ACP7: variants seen among roughly 807,000 people sequenced by gnomAD.
ACP7 encodes acid phosphatase type 7.
ACP7 carries 58 observed loss-of-function variants against 60.6 expected under a neutral mutation model. The observed-to-expected ratio is 0.96, with a 90% CI of 0.77 to 1.19. The LOEUF (loss-of-function observed/expected upper bound fraction) is 1.19, where lower values mean the gene tolerates loss of function less well. ACP7 is among the 50% of genes most tolerant of loss of function. ACP7 has a pLI of 0.00. For missense variants in ACP7, 574 were observed against 596.2 expected (o/e 0.96, Z 0.39); for synonymous variants, 237 against 232.6 (o/e 1.02, Z -0.17).
intron 2 of ACP7, among the ~76,000 whole-genome samples, chr19:39,094,081 C>T (rs968521859): frequency 5.3e-5 from 8 of 152,172 alleles, no homozygotes; most frequent in African/African-American, 1.9e-4. Context: ...CATTACACTA[C>T]ACCACACGGT....
At chr19:39,090,130 G>T (rs993480384) in intron 2 of ACP7, among the ~76,000 whole-genome samples, 10 of 151,934 alleles carry the variant, frequency 6.6e-5, no homozygotes, top group Non-Finnish European at 1.3e-4. Context: ...ATTTTCTAAT[G>T]CCCTCCTTCT....
chr19:39,103,635 T>C (rs539662949), intron 11 of ACP7, among the ~76,000 whole-genome samples: 1 of 151,980 alleles, frequency 6.6e-6, no homozygotes, highest in Admixed American at 6.6e-5. Flanking sequence ...CAGACCAGTC[T>C]GGGCAACATG....
At chr19:39,089,299 C>T (rs562023091) in intron 2 of ACP7, among the ~76,000 whole-genome samples, 52 of 152,066 alleles carry the variant, frequency 3.4e-4, no homozygotes, top group Non-Finnish European at 6.2e-4. Context: ...AACTCCTGGC[C>T]TCAAGTGATC....
chr19:39,089,703 GCCGAGTA>G (rs1291042653), intron 2 of ACP7, among the ~76,000 whole-genome samples: 1 of 152,136 alleles, frequency 6.6e-6, no homozygotes, highest in Non-Finnish European at 1.5e-5. Flanking sequence ...TCTTGGTATT[GCCGAGTA>G]CCGATCAGCT....
chr19:39,100,029 C>T (rs1044022757), intron 4 of ACP7, among the ~76,000 whole-genome samples, 198 bp from the exon 5 acceptor site: 2 of 150,938 alleles, frequency 1.3e-5, no homozygotes, highest in East Asian at 3.9e-4. Flanking sequence ...CCCATCTTGG[C>T]CCGGCACAGT....
chr19:39,105,036 C>T (rs1463916070), intron 11 of ACP7, among the ~76,000 whole-genome samples: 1 of 151,754 alleles, frequency 6.6e-6, no homozygotes, highest in Non-Finnish European at 1.5e-5. Flanking sequence ...TATTTTGAGA[C>T]ACAGTTTCAC....
chr19:39,107,149 T>C, intron 12 of ACP7, 65 bp downstream of exon 12: 1 of 1,494,834 alleles, frequency 6.7e-7, no homozygotes. Flanking sequence ...AAATGAGCTG[T>C]TAAAAACGTG....
At chr19:39,098,723 A>C (rs1306578764) in intron 3 of ACP7, 65 bp downstream of exon 3, 3 of 1,503,456 alleles carry the variant, frequency 2.0e-6, no homozygotes, top group Non-Finnish European at 2.7e-6. Context: ...GCAGACTAGA[A>C]GCTACCACTG....
At chr19:39,099,284 A>G (rs965423317) in intron 4 of ACP7, 142 bp downstream of exon 4, 3 of 1,015,128 alleles carry the variant, frequency 3.0e-6, no homozygotes, top group Admixed American at 3.9e-5. Flanking sequence ...GTGTCTCTGA[A>G]GGGACAGGGG....
chr19:39,087,834 A>G (rs550811533), intron 2 of ACP7, among the ~76,000 whole-genome samples: 10 of 151,920 alleles, frequency 6.6e-5, no homozygotes, highest in African/African-American at 2.4e-4. Flanking sequence ...GGGTTTCACC[A>G]TGTTGGCCAG....
intron 11 of ACP7, among the ~76,000 whole-genome samples, chr19:39,102,118 TCTCACACA>T (rs1489000558): frequency 9.0e-5 from 12 of 133,000 alleles, no homozygotes; most frequent in South Asian, 4.9e-4. Flanking sequence ...AGACCCTTTC[TCTCACACA>T]CACACACACA....
Position 39,088,047 on chromosome 19 carries a change from G to A in ACP7, c.121+2657G>A, listed in dbSNP as rs549676816. On this transcript the variant is annotated intron_variant, in intron 2 of 12. Coordinates refer to ENST00000331256, the MANE Select transcript of ACP7 (RefSeq NM_001004318.3). ...TAGTTTCTTCTTTTTTTTTAGATAG[G>A]GTCTCACTCTGTCACCCACGCTGGA... Among the ~76,000 whole-genome samples the A allele has an allele frequency of 1.6e-3, 243 of 151,198 alleles. 1 individual carries two copies. Among genetic ancestry groups the A allele is most frequent in the Non-Finnish European group, 4.4e-5 (3 of 67,840 alleles).
chr19:39,102,715 TTTTCTTTCTTTC>T (rs199915190), intron 11 of ACP7, among the ~76,000 whole-genome samples: 15 of 118,616 alleles, frequency 1.3e-4, no homozygotes, highest in Non-Finnish European at 1.1e-4. Flanking sequence ...CAATGAAGAC[TTTTCTTTCTTTC>T]TTTCTTTCTT....
At chr19:39,108,763 A>G (rs969821923) in intron 12 of ACP7, among the ~76,000 whole-genome samples, 3 of 152,152 alleles carry the variant, frequency 2.0e-5, no homozygotes, top group Admixed American at 6.6e-5. Context: ...TTTATGATTT[A>G]TTGAGCACCT....
chr19:39,096,817 GAGAC>G (rs1441747885), intron 2 of ACP7, among the ~76,000 whole-genome samples: 2 of 151,938 alleles, frequency 1.3e-5, no homozygotes, highest in African/African-American at 4.8e-5. Context: ...TTCTTTTTTT[GAGAC>G]AGACAGAGTC....
intron 4 of ACP7, 146 bp downstream of exon 4, chr19:39,099,288 A>G (rs1405446793): frequency 1.0e-6 from 1 of 987,194 alleles, no homozygotes; most frequent in East Asian, 3.3e-5. Flanking sequence ...CTCTGAAGGG[A>G]CAGGGGATGA....
intron 2 of ACP7, among the ~76,000 whole-genome samples, chr19:39,086,436 C>T (rs923882853): frequency 4.6e-5 from 7 of 152,142 alleles, no homozygotes; most frequent in Non-Finnish European, 1.0e-4. Flanking sequence ...TCAAGACCAG[C>T]CTGGGTAACA....
chr19:39,089,240 T>C (rs1276666373), intron 2 of ACP7, among the ~76,000 whole-genome samples: 3 of 152,116 alleles, frequency 2.0e-5, no homozygotes, highest in Non-Finnish European at 4.4e-5. Context: ...CTAATTTTTG[T>C]ATTTTTCAGT....
intron 2 of ACP7, among the ~76,000 whole-genome samples, chr19:39,086,991 A>T (rs2073149997): frequency 1.3e-5 from 2 of 152,114 alleles, no homozygotes; most frequent in Non-Finnish European, 2.9e-5. Context: ...ATTGACTTGC[A>T]TCTTTTAAAA....
Sources: allele counts gnomAD v4.1 joint callset (sites outside exome capture counted in the v4.1 genomes callset), GRCh38; gene constraint gnomAD v4.1.1; transcripts MANE v1.5; gene names NCBI Gene and HGNC (gene_info 2026-07-23, HGNC 2026-07-21).